The following DNAI3 variants were observed in gnomAD, a reference collection of about 807,000 sequenced individuals.
DNAI3 encodes the protein dynein axonemal intermediate chain 3, also known as WD repeat domain 63.
A neutral mutation model predicts 115.5 loss-of-function variants in DNAI3; 83 were observed. The observed-to-expected ratio is 0.72, with a 90% confidence interval of 0.60 to 0.86. DNAI3 has a LOEUF of 0.86. Among genes scored for constraint, DNAI3 ranks in the 40% least tolerant of loss-of-function variants. The pLI, the probability that DNAI3 is intolerant of heterozygous loss-of-function variation, is 0.00. For missense variants in DNAI3, 1,004 were observed against 1,075.8 expected, an observed-to-expected ratio of 0.93 and a Z score of 0.93; for synonymous variants, 320 against 347.0, an observed-to-expected ratio of 0.92 and a Z score of 0.86.
At chr1:85,123,583 A>G (rs1656047072) in intron 18 of DNAI3, among the ~76,000 whole-genome samples, 1 of 152,242 alleles carries the variant, frequency 6.6e-6, no homozygotes, top group Non-Finnish European at 1.5e-5. Context: ...TCAGGCCTAC[A>G]TGATGCATCT....
intron 3 of DNAI3, among the ~76,000 whole-genome samples, chr1:85,080,341 G>T (rs1654602672): frequency 6.6e-6 from 1 of 152,138 alleles, no homozygotes; most frequent in African/African-American, 2.4e-5. Context: ...TTAAGGGAAG[G>T]TTTCTTTAAA....
chr1:85,106,091 G>A (rs961976268), intron 14 of DNAI3, among the ~76,000 whole-genome samples: 9 of 152,296 alleles, frequency 5.9e-5, no homozygotes, highest in African/African-American at 1.7e-4. Context: ...AGTGAGCCGA[G>A]ATCATGCCAC....
intron 3 of DNAI3, among the ~76,000 whole-genome samples, chr1:85,078,893 G>T (rs1362900233): frequency 6.6e-6 from 1 of 152,196 alleles, no homozygotes; most frequent in Non-Finnish European, 1.5e-5. Flanking sequence ...AGTCCAATTA[G>T]TGTGAAAGGA....
chr1:85,107,591 C>T (rs1020689174), intron 14 of DNAI3, among the ~76,000 whole-genome samples: 2 of 152,144 alleles, frequency 1.3e-5, no homozygotes, highest in Non-Finnish European at 2.9e-5. Flanking sequence ...TTGGGAAAAA[C>T]TGCTAATAGG....
At chr1:85,085,735 G>A in intron 6 of DNAI3, 96 bp from the exon 7 acceptor site, 3 of 991,850 alleles carry the variant, frequency 3.0e-6, no homozygotes, top group South Asian at 1.6e-5. Context: ...CACAGAAAGT[G>A]CACAAAGGGC....
intron 2 of DNAI3, 123 bp from the exon 3 acceptor site, chr1:85,072,931 G>C: frequency 4.3e-6 from 2 of 470,014 alleles, no homozygotes; most frequent in South Asian, 8.9e-5. Context: ...CTCCAGCCTG[G>C]GCGACAGAGC....
At chr1:85,083,319 A>G (rs908177526) in intron 5 of DNAI3, among the ~76,000 whole-genome samples, 5 of 152,078 alleles carry the variant, frequency 3.3e-5, no homozygotes, top group African/African-American at 1.2e-4. Context: ...AGACCCTGCC[A>G]CCGCAAAAAA....
intron 13 of DNAI3, among the ~76,000 whole-genome samples, chr1:85,103,475 C>T (rs1304842752): frequency 1.3e-5 from 2 of 152,128 alleles, no homozygotes; most frequent in African/African-American, 4.8e-5. Context: ...GCTTAGCAAC[C>T]TCATAAAAGC....
intron 19 of DNAI3, among the ~76,000 whole-genome samples, chr1:85,124,774 T>C (rs1656086151): frequency 6.6e-6 from 1 of 152,162 alleles, no homozygotes; most frequent in Admixed American, 6.5e-5. Context: ...GCTCAAGTGA[T>C]TCACCTGCCT....
intron 10 of DNAI3, 114 bp from the exon 11 acceptor site, chr1:85,095,817 A>T: frequency 1.0e-6 from 1 of 1,000,062 alleles, no homozygotes. Flanking sequence ...CTCTCTACGC[A>T]CCTTGCTTAT....
intron 8 of DNAI3, among the ~76,000 whole-genome samples, chr1:85,091,909 A>G (rs1654987109): frequency 6.6e-6 from 1 of 152,206 alleles, no homozygotes; most frequent in Non-Finnish European, 1.5e-5. Context: ...AAGGAGGTAG[A>G]ATCAGGAAAC....
chr1:85,104,490 A>C (rs1655427187), intron 13 of DNAI3, 34 bp from the exon 14 acceptor site: 1 of 1,573,570 alleles, frequency 6.4e-7, no homozygotes, highest in Non-Finnish European at 8.7e-7. Flanking sequence ...TATGAGAAAA[A>C]CAATTTTATT....
At chr1:85,084,470 CAA>C in intron 5 of DNAI3, 74 bp from the exon 6 acceptor site, 1 of 936,748 alleles carries the variant, frequency 1.1e-6, no homozygotes, top group Non-Finnish European at 1.4e-6. Flanking sequence ...AAGTTTGTTG[CAA>C]AATATATATA....
At chr1:85,121,570 A>G (rs1270418357) in intron 17 of DNAI3, among the ~76,000 whole-genome samples, 181 bp from the exon 18 acceptor site, 1 of 152,200 alleles carries the variant, frequency 6.6e-6, no homozygotes, top group Admixed American at 6.5e-5. Flanking sequence ...TTGTTTCTTC[A>G]ATATAAAATT....
At chr1:85,075,288 G>A (rs1489242378) in intron 3 of DNAI3, among the ~76,000 whole-genome samples, 4 of 152,146 alleles carry the variant, frequency 2.6e-5, no homozygotes, top group Non-Finnish European at 2.9e-5. Flanking sequence ...CACATAGTGG[G>A]TGCTCAGTAA....
Position 85,084,681 on chromosome 1 carries a change from G to A in DNAI3, c.526G>A (p.Glu176Lys). Residue 176 changes from glutamate (E) to lysine (K), a missense_variant, in exon 6 of 23, where the codon GAA (glutamate) becomes AAA (lysine). Around this residue, in one of 3 missense-constraint regions of DNAI3, gnomAD observed 550 missense variants for 568.1 expected, o/e 0.97. Coordinates refer to ENST00000294664, the MANE Select transcript of DNAI3 (RefSeq NM_145172.5). Reference sequence around the variant, plus strand: ...AGAAATTGAGGAAGAATCAGTTACGGAATCTACAAAGCAGGTTAGAGGGTT... The same window carrying A: ...AGAAATTGAGGAAGAATCAGTTACGAAATCTACAAAGCAGGTTAGAGGGTT... ...EKEIEEESVT[E>K]STKQITYMIS... 6.5e-7 allele frequency: 1 copy of A among 1,529,510 alleles called. No homozygotes were observed. The highest frequency in any genetic ancestry group is 8.8e-7 in the Non-Finnish European group (1 of 1,137,334). The allele number at this position is 1,529,510 out of a possible 1,614,324, so 94.7% of individuals were successfully genotyped here.
chr1:85,124,302 G>A, intron 19 of DNAI3, 51 bp downstream of exon 19: 1 of 1,613,586 alleles, frequency 6.2e-7, no homozygotes, highest in East Asian at 2.2e-5. Context: ...TTGTTATTCA[G>A]AAAGACAAGA....
intron 7 of DNAI3, among the ~76,000 whole-genome samples, chr1:85,086,643 T>C (rs1213690552): frequency 2.0e-5 from 3 of 152,148 alleles, no homozygotes; most frequent in East Asian, 3.9e-4. Flanking sequence ...CAGTAAGTGG[T>C]AATGATATTG....
intron 16 of DNAI3, among the ~76,000 whole-genome samples, chr1:85,114,052 C>T (rs933110390): frequency 1.1e-4 from 15 of 133,306 alleles, no homozygotes; most frequent in African/African-American, 3.6e-4. Context: ...CTTGCTCTGT[C>T]GCCCAGGCTA....
Sources: allele counts gnomAD v4.1 joint callset (sites outside exome capture counted in the v4.1 genomes callset), GRCh38; gene constraint gnomAD v4.1.1; regional missense constraint gnomAD v4.1.1; transcripts MANE v1.5; gene names NCBI Gene and HGNC (gene_info 2026-07-23, HGNC 2026-07-21).